C11orf58: variants seen among roughly 807,000 people sequenced by gnomAD.
C11orf58 encodes chromosome 11 open reading frame 58.
A neutral mutation model predicts 22.7 loss-of-function variants in C11orf58; 5 were observed. The ratio of observed to expected loss-of-function variants is 0.22; its 90% CI spans 0.12 to 0.46. C11orf58 has a LOEUF of 0.46. C11orf58 is among the 20% of genes least tolerant of loss of function. The pLI, the probability that C11orf58 is intolerant of heterozygous loss-of-function variation, is 0.99. For synonymous variants in C11orf58, 71 were observed against 70.7 expected (o/e 1.00, Z -0.02); for missense variants, 151 against 223.3 (o/e 0.68, Z 2.06).
Position 16,757,774 on chromosome 11 carries a change from G to A in C11orf58, c.*2670G>A, listed in dbSNP as rs1455530079. On this transcript the variant is annotated 3_prime_UTR_variant, in exon 5 of 5. Transcript: ENST00000228136. Reference sequence around the variant, plus strand: ...GTTTACTTGTATCCATGACCTAACCGTCTATTGAAAAGAATGTTTGCAGAT... The same window carrying A: ...GTTTACTTGTATCCATGACCTAACCATCTATTGAAAAGAATGTTTGCAGAT... Among the ~76,000 whole-genome samples, 2 of 152,178 alleles carry A rather than the reference G, an allele frequency of 1.3e-5. No homozygotes were observed. Among genetic ancestry groups the A allele is most frequent in the Non-Finnish European group, 1.5e-5 (1 of 68,010 alleles).
At chr11:16,754,512 CTT>C (rs111667450) in intron 4 of C11orf58, among the ~76,000 whole-genome samples, 15 of 58,520 alleles carry the variant, frequency 2.6e-4, no homozygotes, top group Admixed American at 1.2e-3. Flanking sequence ...TTTCTTTTTT[CTT>C]TTTTTTTTTT....
chr11:16,748,093 A>AT lies in C11orf58; in HGVS notation c.148-3dup. 1 of 1,610,206 alleles carries AT rather than the reference A, an allele frequency of 6.2e-7. No individual in the cohort carries two copies. The highest frequency in any genetic ancestry group is 1.1e-5 in the South Asian group (1 of 90,992). The stretch of plus-strand genomic sequence containing the variant: ...ATGCTAATACATTTTCAACCTTCTT[A>AT]TAGAAAGAACATACTGGTCGTCTTG... On this transcript the variant is annotated splice_region_variant and splice_polypyrimidine_tract_variant and intron_variant, in intron 2 of 4. Coordinates refer to ENST00000228136, the MANE Select transcript of C11orf58 (RefSeq NM_014267.6).
chr11:16,755,346 C>A lies in C11orf58; in HGVS notation c.*242C>A. The A allele has an allele frequency of 3.2e-6, 1 of 309,920 alleles. No individual in the cohort carries two copies. 19.2% of individuals were successfully genotyped at this position (309,920 alleles called of 1,614,324 possible). A position where few individuals can be genotyped will look rare whatever the true frequency, so the allele number is the denominator to read the frequency against. The stretch of plus-strand genomic sequence containing the variant: ...ATAAATACAGTACTCAACTTCCTTT[C>A]ATATTAGCATCATCAACCCTCTAAT... On this transcript the variant is annotated 3_prime_UTR_variant, in exon 5 of 5. Coordinates refer to ENST00000228136, the MANE Select transcript of C11orf58 (RefSeq NM_014267.6).
At chr11:16,748,638 G>A (rs949054997) in intron 3 of C11orf58, 18 of 151,442 alleles carry the variant, frequency 1.2e-4, no homozygotes, top group African/African-American at 4.4e-4. Context: ...CCAGCTGCTT[G>A]GGAGGCTGAG....
rs1848417424 is a variant in C11orf58 at position 16,738,772 on chromosome 11, C to A, written c.-7C>A. ...GTTCGGCATTTTTCGTCGGGATCCC[C>A]GCAAGGATGAGTGCTGCCAGAGAGT... On this transcript the variant is annotated 5_prime_UTR_variant, in exon 1 of 5. Transcript: ENST00000228136. 1.9e-6 allele frequency: 3 copies of A among 1,613,556 alleles called. No homozygotes were observed. The highest frequency in any genetic ancestry group is 2.7e-5 in the African/African-American group (2 of 74,764).
chr11:16,748,212 T>C, intron 3 of C11orf58, 55 bp downstream of exon 3: 3 of 1,380,066 alleles, frequency 2.2e-6, no homozygotes, highest in South Asian at 2.3e-5. Context: ...ATATGAAGTA[T>C]GTGTTCATGT....
chr11:16,751,924 A>G (rs1237202673), intron 3 of C11orf58: 1 of 152,210 alleles, frequency 6.6e-6, no homozygotes, highest in African/African-American at 2.4e-5. Context: ...TCACATCTCC[A>G]TACATTCTGG....
rs1020539524 is a variant in C11orf58, at chr11:16,755,204, A to T, written c.*100A>T. 21 of 1,342,968 alleles carry T rather than the reference A, an allele frequency of 1.6e-5. 1 individual carries two copies. Among genetic ancestry groups the T allele is most frequent in the Non-Finnish European group, 1.9e-5 (19 of 986,770 alleles). The allele number at this position is 1,342,968 out of a possible 1,614,324, so 83.2% of individuals were successfully genotyped here. On this transcript the variant is annotated 3_prime_UTR_variant, in exon 5 of 5. Coordinates refer to ENST00000228136, the MANE Select transcript of C11orf58 (RefSeq NM_014267.6). ...CACAGACCTTTGTATTATAATTTTT[A>T]AAAAGGCCCTTTTAAATAATTACAA...
intron 2 of C11orf58, among the ~76,000 whole-genome samples, chr11:16,745,890 A>G (rs1415105656): frequency 6.6e-6 from 1 of 152,248 alleles, no homozygotes; most frequent in African/African-American, 2.4e-5. Flanking sequence ...GCACATTAAA[A>G]TGAAATTCTG....
Position 16,754,547 on chromosome 11 carries a change from C to CTT in C11orf58, c.319-287_319-286dup, listed in dbSNP as rs573626223. On this transcript the variant is annotated intron_variant, in intron 4 of 4. Coordinates refer to ENST00000228136, the MANE Select transcript of C11orf58 (RefSeq NM_014267.6). ...TTTTAGTTTCTCTCTCTCTCTCTCC[C>CTT]TTTTTTTTTTTTTTTTTTTTTTTTT... Among the ~76,000 whole-genome samples the CTT allele has an allele frequency of 7.7e-3, 244 of 31,494 alleles. 95 individuals carry two copies. The highest frequency in any genetic ancestry group is 0.013 in the Non-Finnish European group (202 of 15,286). The allele number at this position is 31,494 out of a possible 152,430, so 20.7% of individuals were successfully genotyped here. A position where few individuals can be genotyped will look rare whatever the true frequency, so the allele number is the denominator to read the frequency against.
intron 1 of C11orf58, among the ~76,000 whole-genome samples, chr11:16,741,290 G>A (rs1848446477): frequency 6.6e-6 from 1 of 152,106 alleles, no homozygotes; most frequent in African/African-American, 2.4e-5. Context: ...CGCTAACAAT[G>A]TAGGAGTAAA....
intron 2 of C11orf58, 78 bp from the exon 3 acceptor site, chr11:16,748,019 G>A (rs1848501059): frequency 2.7e-6 from 3 of 1,126,480 alleles, no homozygotes; most frequent in Admixed American, 3.7e-5. Flanking sequence ...GCCTAGAATA[G>A]TTTTCAGCAC....
Position 16,747,957 on chromosome 11 carries a change from C to T in C11orf58, c.148-140C>T, listed in dbSNP as rs1164051175. The T allele has an allele frequency of 6.1e-6, 4 of 652,726 alleles. No individual in the cohort carries two copies. In the Admixed American group the frequency reaches 1.1e-4, roughly 18 times the overall value. 40.4% of individuals were successfully genotyped at this position (652,726 alleles called of 1,614,324 possible). On this transcript the variant is annotated intron_variant, in intron 2 of 4. Coordinates refer to ENST00000228136, the MANE Select transcript of C11orf58 (RefSeq NM_014267.6). ...TCCTACCCTTGCTAGAATGTAAGGT[C>T]CTTAAAGGCAGAGATTCTAATTTAA...
At chr11:16,738,925 G>T (rs866946438) in intron 1 of C11orf58, 84 bp downstream of exon 1, 2 of 1,437,178 alleles carry the variant, frequency 1.4e-6, no homozygotes, top group Middle Eastern at 3.5e-4. Context: ...AGGAGGACGC[G>T]CCTGAGGTGG....
chr11:16,740,791 A>G lies in C11orf58; in HGVS notation c.63+1950A>G, dbSNP rs1213568048. Among the ~76,000 whole-genome samples the G allele has an allele frequency of 2.8e-4, 10 of 35,232 alleles. No individual in the cohort carries two copies. The South Asian group carries it at 4.4e-3, about 15-fold the overall frequency. The allele number at this position is 35,232 out of a possible 152,430, so 23.1% of individuals were successfully genotyped here. A position where few individuals can be genotyped will look rare whatever the true frequency, so the allele number is the denominator to read the frequency against. ...TTAAAATACCTCCAAGCTGTTGCAG[A>G]AAAAAAAAAAAAAACTAGCAGGCCG... On this transcript the variant is annotated intron_variant, in intron 1 of 4. Transcript: ENST00000228136.
At chr11:16,743,732 A>T (rs1258207892) in intron 1 of C11orf58, among the ~76,000 whole-genome samples, 1 of 152,200 alleles carries the variant, frequency 6.6e-6, no homozygotes, top group Non-Finnish European at 1.5e-5. Context: ...CTAATATCTT[A>T]AAAACTATTT....
At position 16,753,762 on chromosome 11, in the gene C11orf58, G is replaced by T. The variant is rs898021035; in HGVS notation, c.318+868G>T. The T allele has an allele frequency of 7.5e-6, 3 of 398,462 alleles. No homozygotes were observed. In the South Asian group the frequency reaches 3.9e-4, roughly 51 times the overall value. The allele number at this position is 398,462 out of a possible 1,614,324, so 24.7% of individuals were successfully genotyped here. On this transcript the variant is annotated intron_variant, in intron 4 of 4. Coordinates refer to ENST00000228136, the MANE Select transcript of C11orf58 (RefSeq NM_014267.6). ...TTTCTTTCCCCCTTTTTTGAGACAG[G>T]TTCTCACTCTGTCACCCAGGCTGGA...
chr11:16,748,231 A>G, intron 3 of C11orf58, 74 bp downstream of exon 3: 1 of 1,294,774 alleles, frequency 7.7e-7, no homozygotes, highest in South Asian at 1.2e-5. Context: ...GTTTCAGGAT[A>G]TTCTACTTTG....
At chr11:16,754,546 C>CTTT in intron 4 of C11orf58, among the ~76,000 whole-genome samples, 1 of 89,380 alleles carries the variant, frequency 1.1e-5, no homozygotes, top group Non-Finnish European at 2.5e-5. Context: ...TCTCTCTCTC[C>CTTT]CTTTTTTTTT....
Sources: gnomAD v4.1 joint callset for allele counts (sites outside exome capture counted in the v4.1 genomes callset) on GRCh38, gnomAD v4.1.1 for gene constraint, MANE v1.5 for transcripts, NCBI Gene and HGNC (gene_info 2026-07-23, HGNC 2026-07-21) for gene names.